The following SNURF variants were observed in gnomAD, a reference collection of about 807,000 sequenced individuals.
SNURF encodes the protein SNRPN upstream open reading frame, also known as SNURF protein.
In SNURF, 6 loss-of-function variants were observed where a neutral mutation model predicts 11.6. That is an observed-to-expected ratio of 0.52 (90% CI 0.28 to 1.02). SNURF has a LOEUF of 1.02. SNURF is among the 50% of genes least tolerant of loss of function. The pLI is 0.09. For missense variants in SNURF, 84 were observed against 88.4 expected (o/e 0.95, Z 0.20); for synonymous variants, 29 against 31.6 (o/e 0.92, Z 0.27).
At position 24,964,114 on chromosome 15, in the gene SNURF, T is replaced by G. The variant is rs529529296; in HGVS notation, c.110+1905T>G. ...TAAAGATTTTTTTTTTATTTTTTCC[T>G]ATTTATTTTGCCGATTTTTACTATA... On this transcript the variant is annotated intron_variant, in intron 2 of 2. Coordinates refer to ENST00000577949, the Ensembl canonical transcript of SNURF. Among the ~76,000 whole-genome samples, 4 of 152,228 alleles carry G rather than the reference T, an allele frequency of 2.6e-5. No homozygotes were observed. The East Asian group carries it at 7.7e-4, about 29-fold the overall frequency.
chr15:24,960,361 G>A (rs1294840116), intron 1 of SNURF, among the ~76,000 whole-genome samples: 2 of 151,874 alleles, frequency 1.3e-5, no homozygotes, highest in Non-Finnish European at 2.9e-5. Context: ...TCATTTTGAG[G>A]CAGGGTCTGG....
chr15:24,962,902 ATTG>A lies in SNURF; in HGVS notation c.110+696_110+698del, dbSNP rs566802138. On this transcript the variant is annotated intron_variant, in intron 2 of 2. Transcript: ENST00000577949. ...AGGTAGCATTTTTTTCTTAGCTACAATTGTTTTTTTTAATTATAAGTATTAAAA... is the reference window on the plus strand; with the variant it reads ...AGGTAGCATTTTTTTCTTAGCTACAATTTTTTTTAATTATAAGTATTAAAA... Among the ~76,000 whole-genome samples, 60 of 152,264 alleles carry A rather than the reference ATTG, an allele frequency of 3.9e-4. 1 individual carries two copies. The highest frequency in any genetic ancestry group is 1.3e-3 in the African/African-American group (56 of 41,578).
rs1353984050 is a variant in SNURF, at chr15:24,955,207, G to A, written c.14+145G>A. ...TCCTTTGTTCTGGAGAACCAGATCCGGAATGTTCAGAGGCTTGCTGTTGTG... is the reference window on the plus strand; with the variant it reads ...TCCTTTGTTCTGGAGAACCAGATCCAGAATGTTCAGAGGCTTGCTGTTGTG... On this transcript the variant is annotated intron_variant, in intron 1 of 2. Coordinates refer to ENST00000577949, the Ensembl canonical transcript of SNURF. The A allele has an allele frequency of 2.0e-5, 23 of 1,143,108 alleles. No individual in the cohort carries two copies. In the East Asian group the frequency reaches 4.1e-4, roughly 20 times the overall value. The allele number at this position is 1,143,108 out of a possible 1,614,324, so 70.8% of individuals were successfully genotyped here.
At chr15:24,977,826 G>C (rs1268293098) in exon 7 of SNURF, 1 of 1,613,298 alleles carries the variant, frequency 6.2e-7, no homozygotes, top group East Asian at 2.2e-5. Context: ...TGCTGTTGCT[G>C]CGACTGCCAG....
chr15:24,975,264 G>T, intron 3 of SNURF: 1 of 973,734 alleles, frequency 1.0e-6, no homozygotes, highest in South Asian at 1.6e-5. Context: ...AGGAAACCAG[G>T]CTTAGATTAT....
At position 24,956,857 on chromosome 15, in the gene SNURF, C is replaced by G. The variant is rs577352618; in HGVS notation, c.14+1795C>G. The stretch of plus-strand genomic sequence containing the variant: ...TGTGTGGGATGGCAGCTGCACTGGG[C>G]TACTGCTTTTCAGCTCTGCAGTAAA... On this transcript the variant is annotated intron_variant, in intron 1 of 2. Coordinates refer to ENST00000577949, the Ensembl canonical transcript of SNURF. 5.9e-5 allele frequency among the ~76,000 whole-genome samples: 9 copies of G among 152,284 alleles called. No homozygotes were observed. In the South Asian group the frequency reaches 1.5e-3, roughly 25 times the overall value.
At chr15:24,964,137 A>G (rs1223622874) in intron 2 of SNURF, among the ~76,000 whole-genome samples, 1 of 152,002 alleles carries the variant, frequency 6.6e-6, no homozygotes, top group Non-Finnish European at 1.5e-5. Context: ...GATTTTTACT[A>G]TAGTGAGTAT....
downstream of SNURF, chr15:24,977,936 G>A: frequency 3.3e-6 from 5 of 1,537,162 alleles, no homozygotes; most frequent in South Asian, 1.3e-5. Context: ...TGGTGAACAC[G>A]AAGACGAACT....
chr15:24,958,520 T>TTA (rs1440476628), intron 1 of SNURF, among the ~76,000 whole-genome samples: 8 of 120,734 alleles, frequency 6.6e-5, no homozygotes, highest in African/African-American at 2.7e-4. Flanking sequence ...TTTTTTTTTT[T>TTA]AAATAGACCA....
intron 1 of SNURF, among the ~76,000 whole-genome samples, chr15:24,960,529 T>C (rs937534012): frequency 5.9e-5 from 9 of 152,086 alleles, no homozygotes; most frequent in African/African-American, 1.9e-4. Flanking sequence ...TTTGTATAGA[T>C]GTTGCCCAAG....
At chr15:24,978,649 GT>G, downstream of SNURF, 1 of 610,148 alleles carries the variant, frequency 1.6e-6, no homozygotes, top group Non-Finnish European at 2.9e-6. Context: ...GTGGATGAGG[GT>G]GATGCCTATT....
chr15:24,970,023 A>G (rs1566969129), downstream of SNURF, among the ~76,000 whole-genome samples: 1 of 152,222 alleles, frequency 6.6e-6, no homozygotes, highest in Non-Finnish European at 1.5e-5. Flanking sequence ...AGCAGATTGA[A>G]AGAAGAAAAC....
At chr15:24,975,635 T>C in intron 4 of SNURF, 1 of 747,360 alleles carries the variant, frequency 1.3e-6, no homozygotes, top group Non-Finnish European at 2.3e-6. Flanking sequence ...GCCAGTCTAT[T>C]GTTTAACCTC....
intron 4 of SNURF, chr15:24,975,598 T>C: frequency 9.1e-7 from 1 of 1,100,966 alleles, no homozygotes; most frequent in Middle Eastern, 3.0e-4. Context: ...CGAGGGTAAC[T>C]GAAGTAGTTA....
chr15:24,975,546 A>G, intron 4 of SNURF: 1 of 1,587,414 alleles, frequency 6.3e-7, no homozygotes, highest in Non-Finnish European at 8.6e-7. Flanking sequence ...TTGGACACAG[A>G]GGCAGTGGGA....
At chr15:24,962,066 A>G in intron 1 of SNURF, 48 bp from the exon 2 acceptor site, 3 of 1,416,598 alleles carry the variant, frequency 2.1e-6, no homozygotes, top group African/African-American at 1.4e-5. Context: ...TAGTTATTTC[A>G]TAGATTGATG....
chr15:24,977,331 A>G (rs2077174950), intron 6 of SNURF, among the ~76,000 whole-genome samples: 1 of 152,160 alleles, frequency 6.6e-6, no homozygotes, highest in African/African-American at 2.4e-5. Context: ...TCAGTGTACT[A>G]AGATTAGTTT....
At chr15:24,957,559 C>G (rs2063130617) in intron 1 of SNURF, among the ~76,000 whole-genome samples, 1 of 152,068 alleles carries the variant, frequency 6.6e-6, no homozygotes, top group Non-Finnish European at 1.5e-5. Flanking sequence ...CAGTGCTTGC[C>G]TTTTCTGTAT....
chr15:24,975,279 G>A, intron 3 of SNURF: 1 of 1,104,676 alleles, frequency 9.1e-7, no homozygotes, highest in Non-Finnish European at 1.3e-6. Context: ...GATTATGTAA[G>A]GGTGGAGAAG....
Sources: allele counts gnomAD v4.1 joint callset (sites outside exome capture counted in the v4.1 genomes callset), GRCh38; gene constraint gnomAD v4.1.1; transcripts MANE v1.5; gene names NCBI Gene and HGNC (gene_info 2026-07-23, HGNC 2026-07-21).